Variants in C3orf33 observed in about 807,000 individuals in gnomAD.
The protein encoded by C3orf33 is mitochondrial inner membrane subdomain organizer 1.
In C3orf33, 23 loss-of-function variants were observed where a neutral mutation model predicts 28.7. The observed-to-expected ratio is 0.80, with a 90% CI of 0.58 to 1.13. The LOEUF is 1.13. C3orf33 is among the 50% of genes most tolerant of loss of function. The pLI, the probability that C3orf33 is intolerant of heterozygous loss-of-function variation, is 0.00. For missense variants in C3orf33, 327 were observed against 353.4 expected (o/e 0.93, Z 0.60); for synonymous variants, 119 against 120.5 (o/e 0.99, Z 0.08).
intron 4 of C3orf33, 145 bp downstream of exon 4, chr3:155,767,364 C>T (rs551580207): frequency 2.0e-4 from 85 of 424,572 alleles, no homozygotes; most frequent in African/African-American, 1.1e-3. Flanking sequence ...ATACAAGACA[C>T]CTATGCATAA....
chr3:155,775,488 CAAAA>C (rs34514421), intron 3 of C3orf33, among the ~76,000 whole-genome samples: 2 of 122,312 alleles, frequency 1.6e-5, no homozygotes, highest in African/African-American at 3.0e-5. Flanking sequence ...AACTCTGTCT[CAAAA>C]AAAAAAAAAA....
chr3:155,806,266 T>G lies in C3orf33; in HGVS notation c.-14A>C, dbSNP rs1160537384. On this transcript the variant is annotated 5_prime_UTR_variant, in exon 1 of 5. Transcript: ENST00000340171. ...CTGCCCCGCCATGTTCCCGGCCTCC[T>G]GCGAGCGGCCCTGAGCTCCTCCGGC... 6.8e-7 allele frequency: 1 copy of G among 1,463,086 alleles called. No individual in the cohort carries two copies. Among genetic ancestry groups the G allele is most frequent in the Non-Finnish European group, 9.1e-7 (1 of 1,104,252 alleles). The allele number at this position is 1,463,086 out of a possible 1,614,324, so 90.6% of individuals were successfully genotyped here.
intron 3 of C3orf33, 90 bp downstream of exon 3, chr3:155,775,611 T>C (rs773011647): frequency 1.4e-4 from 124 of 900,898 alleles, no homozygotes; most frequent in South Asian, 4.7e-4. Context: ...TTATTAGGAA[T>C]TAAAATGACT....
At chr3:155,798,533 T>C (rs1751544878) in intron 2 of C3orf33, among the ~76,000 whole-genome samples, 1 of 152,162 alleles carries the variant, frequency 6.6e-6, no homozygotes, top group Non-Finnish European at 1.5e-5. Context: ...GGCAGTCTCT[T>C]TGATAACTGA....
intron 2 of C3orf33, among the ~76,000 whole-genome samples, chr3:155,799,068 A>G (rs917309506): frequency 1.3e-5 from 2 of 152,226 alleles, no homozygotes; most frequent in Admixed American, 6.5e-5. Flanking sequence ...CAAAACTACA[A>G]TAGGATATCA....
At chr3:155,779,070 A>T (rs1750838601) in intron 2 of C3orf33, among the ~76,000 whole-genome samples, 1 of 152,224 alleles carries the variant, frequency 6.6e-6, no homozygotes, top group Non-Finnish European at 1.5e-5. Flanking sequence ...TATATGGGTG[A>T]TATTTAGAGA....
chr3:155,766,937 G>A (rs557965438), intron 4 of C3orf33, among the ~76,000 whole-genome samples: 2 of 151,312 alleles, frequency 1.3e-5, no homozygotes, highest in East Asian at 3.9e-4. Flanking sequence ...GCAACAGAGT[G>A]AGACTCTGTT....
At chr3:155,764,022 C>G (rs1750320960) in intron 4 of C3orf33, 104 bp from the exon 5 acceptor site, 1 of 970,470 alleles carries the variant, frequency 1.0e-6, no homozygotes, top group African/African-American at 1.7e-5. Context: ...TTTTAGTCCT[C>G]CAAAGAAAAG....
chr3:155,785,777 G>A (rs1375838458), intron 2 of C3orf33, among the ~76,000 whole-genome samples: 1 of 152,154 alleles, frequency 6.6e-6, no homozygotes, highest in Non-Finnish European at 1.5e-5. Flanking sequence ...AGTGGCTCAT[G>A]CCTGTAATCC....
intron 3 of C3orf33, among the ~76,000 whole-genome samples, chr3:155,771,008 GCTCTGCCAC>G (rs1559988897): frequency 3.2e-5 from 3 of 95,140 alleles, no homozygotes; most frequent in Non-Finnish European, 6.1e-5. Context: ...ACATAGTTTT[GCTCTGCCAC>G]TGTGTGTGTG....
intron 2 of C3orf33, among the ~76,000 whole-genome samples, chr3:155,788,517 T>C (rs965941333): frequency 2.0e-5 from 3 of 151,824 alleles, no homozygotes; most frequent in African/African-American, 7.3e-5. Context: ...ACCCTGTCTC[T>C]ACTAAAAATA....
At chr3:155,797,913 A>C (rs1471392096) in intron 2 of C3orf33, among the ~76,000 whole-genome samples, 1 of 152,006 alleles carries the variant, frequency 6.6e-6, no homozygotes, top group Non-Finnish European at 1.5e-5. Flanking sequence ...TCTACTAAAA[A>C]TACAAAAATT....
chr3:155,801,534 T>C (rs2109283220), intron 2 of C3orf33, among the ~76,000 whole-genome samples: 2 of 152,244 alleles, frequency 1.3e-5, no homozygotes, highest in South Asian at 4.1e-4. Context: ...TGGAATATTG[T>C]CAGTCTTAAA....
intron 2 of C3orf33, among the ~76,000 whole-genome samples, chr3:155,779,188 G>T (rs1338760396): frequency 2.0e-5 from 3 of 152,160 alleles, no homozygotes; most frequent in Non-Finnish European, 4.4e-5. Context: ...ACCAAAAAAA[G>T]TTCAACCTAA....
At chr3:155,768,718 G>A (rs1033360285) in intron 3 of C3orf33, among the ~76,000 whole-genome samples, 2 of 152,142 alleles carry the variant, frequency 1.3e-5, no homozygotes, top group African/African-American at 2.4e-5. Flanking sequence ...TTTAGTTCAA[G>A]AAGATATCCT....
chr3:155,767,778 A>G, intron 3 of C3orf33, 109 bp from the exon 4 acceptor site: 1 of 698,454 alleles, frequency 1.4e-6, no homozygotes, highest in Non-Finnish European at 2.1e-6. Flanking sequence ...TTATTTATAA[A>G]TACCCAGTCT....
intron 2 of C3orf33, among the ~76,000 whole-genome samples, chr3:155,796,782 A>G (rs1236054131): frequency 2.6e-5 from 4 of 152,240 alleles, no homozygotes; most frequent in Non-Finnish European, 5.9e-5. Flanking sequence ...AGAAATACCT[A>G]CAAATCAAAT....
chr3:155,786,861 G>T (rs1002381020), intron 2 of C3orf33, among the ~76,000 whole-genome samples: 2 of 152,046 alleles, frequency 1.3e-5, no homozygotes, highest in African/African-American at 4.8e-5. Context: ...AACCTTCCAG[G>T]ATGGAATCAT....
intron 2 of C3orf33, among the ~76,000 whole-genome samples, chr3:155,799,563 C>G (rs1753394174): frequency 6.6e-6 from 1 of 152,126 alleles, no homozygotes; most frequent in Non-Finnish European, 1.5e-5. Context: ...GTGGCTCACA[C>G]CTGTGGTCCC....
Sources: allele counts gnomAD v4.1 joint callset (sites outside exome capture counted in the v4.1 genomes callset), GRCh38; gene constraint gnomAD v4.1.1; transcripts MANE v1.5; gene names NCBI Gene and HGNC (gene_info 2026-07-23, HGNC 2026-07-21).